Variants in SIPA1L3 observed in about 807,000 individuals in gnomAD.
SIPA1L3 encodes the protein signal induced proliferation associated 1 like 3.
SIPA1L3 carries 59 observed loss-of-function variants against 150.1 expected under a neutral mutation model. The ratio of observed to expected loss-of-function variants is 0.39; its 90% CI spans 0.32 to 0.49. The LOEUF (loss-of-function observed/expected upper bound fraction) is 0.49. SIPA1L3 is among the 20% of genes least tolerant of loss of function. The probability of loss-of-function intolerance (pLI) is 0.86; values close to 1 mark genes in which losing one functional copy is unlikely to be tolerated. For missense variants in SIPA1L3, 2,211 were observed against 2,489.5 expected, an observed-to-expected ratio of 0.89 and a Z score of 2.38; for synonymous variants, 1,070 against 1,077.6, an observed-to-expected ratio of 0.99 and a Z score of 0.14.
At chr19:38,178,539 G>A (rs574124490) in intron 15 of SIPA1L3, among the ~76,000 whole-genome samples, 25 of 152,158 alleles carry the variant, frequency 1.6e-4, no homozygotes, top group African/African-American at 4.1e-4. Flanking sequence ...GCAATGGTGC[G>A]ATCTCGGCTC....
chr19:38,011,284 G>A (rs970502058), intron 1 of SIPA1L3, among the ~76,000 whole-genome samples: 2 of 152,056 alleles, frequency 1.3e-5, no homozygotes, highest in Non-Finnish European at 2.9e-5. Context: ...AGACTAGCCT[G>A]GGCAACATGG....
chr19:38,052,480 A>C (rs1464571941), intron 2 of SIPA1L3, among the ~76,000 whole-genome samples: 1 of 152,172 alleles, frequency 6.6e-6, no homozygotes, highest in Non-Finnish European at 1.5e-5. Flanking sequence ...CTGGCTTCTC[A>C]CCACCTCTAC....
intron 1 of SIPA1L3, among the ~76,000 whole-genome samples, chr19:37,965,605 C>T (rs1036391562): frequency 1.3e-5 from 2 of 152,076 alleles, no homozygotes; most frequent in Admixed American, 1.3e-4. Flanking sequence ...TGAGCCACTG[C>T]TCTGGGCCTG....
chr19:38,140,708 A>G lies in SIPA1L3; in HGVS notation c.3144-476A>G, dbSNP rs911808077. Among the ~76,000 whole-genome samples, 18 of 151,702 alleles carry G rather than the reference A, an allele frequency of 1.2e-4. 1 individual carries two copies. The highest frequency in any genetic ancestry group is 4.4e-4 in the African/African-American group (18 of 41,334). Reference sequence around the variant, plus strand: ...GTGTTGGGTCCCGTCCTGGTTGAAGACTCTGAGCTGGTAAGTTTCAGACCA... The same window carrying G: ...GTGTTGGGTCCCGTCCTGGTTGAAGGCTCTGAGCTGGTAAGTTTCAGACCA... On this transcript the variant is annotated intron_variant, in intron 10 of 21. Transcript: ENST00000222345.
chr19:38,019,643 T>A (rs1968322428), intron 1 of SIPA1L3, among the ~76,000 whole-genome samples: 1 of 152,196 alleles, frequency 6.6e-6, no homozygotes, highest in African/African-American at 2.4e-5. Flanking sequence ...CATAGCCAGC[T>A]TCTGCCCATT....
chr19:38,122,129 A>G (rs973880338), intron 9 of SIPA1L3, among the ~76,000 whole-genome samples: 2 of 151,806 alleles, frequency 1.3e-5, no homozygotes, highest in African/African-American at 4.8e-5. Flanking sequence ...GCCGAGGGAA[A>G]AGAATTGCTT....
chr19:37,921,823 G>A (rs1236527773), intron 1 of SIPA1L3, among the ~76,000 whole-genome samples: 1 of 151,918 alleles, frequency 6.6e-6, no homozygotes, highest in African/African-American at 2.4e-5. Flanking sequence ...GGCTGGTCTC[G>A]AACTCCTGGC....
intron 18 of SIPA1L3, among the ~76,000 whole-genome samples, chr19:38,196,146 A>G (rs1972925656): frequency 1.3e-5 from 2 of 152,246 alleles, no homozygotes; most frequent in Middle Eastern, 3.4e-3. Context: ...ATGAAGAGAC[A>G]TGGTCATCCC....
intron 2 of SIPA1L3, among the ~76,000 whole-genome samples, chr19:38,050,992 G>A (rs1404437320): frequency 6.6e-6 from 1 of 152,044 alleles, no homozygotes; most frequent in African/African-American, 2.4e-5. Context: ...CTGGGAGGCG[G>A]AGGTTGCAGT....
chr19:38,141,263 C>T lies in SIPA1L3; in HGVS notation c.3223C>T (p.Pro1075Ser). 1 of 1,613,850 alleles carries T rather than the reference C, an allele frequency of 6.2e-7. No individual in the cohort carries two copies. The highest frequency in any genetic ancestry group is 1.3e-5 in the African/African-American group (1 of 74,964). ...AAGCATCACTCCTGGGGGCCGGCCC[C>T]CCTACCGCAGCAATGCTCCCTGGCA... ...QESITPGGRP[P>S]YRSNAPWQWS... The change falls in exon 11 of 22, where the codon CCC becomes TCC. Residue 1075 changes from proline (P) to serine (S), a missense_variant. Physicochemically the swap from Pro to Ser is moderately conservative, Grantham distance 74 (BLOSUM62 -1). Transcript: ENST00000222345.
intron 1 of SIPA1L3, among the ~76,000 whole-genome samples, chr19:37,969,084 C>G (rs2046930193): frequency 6.6e-6 from 1 of 152,118 alleles, no homozygotes; most frequent in Non-Finnish European, 1.5e-5. Flanking sequence ...TTTCAAAAAT[C>G]CTGACCAGGA....
rs905406926 is a variant in SIPA1L3 at position 38,141,583 on chromosome 19, C to T, written c.3395+148C>T. The T allele has an allele frequency of 6.9e-6, 6 of 865,844 alleles. No homozygotes were observed. In the African/African-American group the frequency reaches 8.5e-5, roughly 12 times the overall value. 53.6% of individuals were successfully genotyped at this position (865,844 alleles called of 1,614,324 possible). A position where few individuals can be genotyped will look rare whatever the true frequency, so the allele number is the denominator to read the frequency against. ...TCTTATCCTTATGTCTCCCTTGTTCCTCCCTCCCTCCTTCGTTTCAGCTTT... is the reference window on the plus strand; with the variant it reads ...TCTTATCCTTATGTCTCCCTTGTTCTTCCCTCCCTCCTTCGTTTCAGCTTT... On this transcript the variant is annotated intron_variant, in intron 11 of 21. Transcript: ENST00000222345.
intron 1 of SIPA1L3, among the ~76,000 whole-genome samples, chr19:37,965,834 C>G (rs1208193209): frequency 6.6e-6 from 1 of 151,958 alleles, no homozygotes; most frequent in Non-Finnish European, 1.5e-5. Flanking sequence ...CTGAAACACG[C>G]CCCTGTCTCT....
intron 15 of SIPA1L3, among the ~76,000 whole-genome samples, chr19:38,178,532 A>G (rs910087895): frequency 3.9e-5 from 6 of 152,006 alleles, no homozygotes; most frequent in East Asian, 1.9e-4. Flanking sequence ...CTGGAGTGCA[A>G]TGGTGCGATC....
chr19:37,919,091 A>G (rs1325458432), intron 1 of SIPA1L3, among the ~76,000 whole-genome samples: 2 of 151,996 alleles, frequency 1.3e-5, no homozygotes, highest in African/African-American at 4.8e-5. Context: ...GGTGTGGGGA[A>G]GGGACATCAC....
chr19:38,101,536 A>G (rs1568550483), intron 6 of SIPA1L3, among the ~76,000 whole-genome samples: 1 of 152,028 alleles, frequency 6.6e-6, no homozygotes, highest in Non-Finnish European at 1.5e-5. Flanking sequence ...TCAGCCTCCC[A>G]ACTAGCTGTG....
intron 1 of SIPA1L3, among the ~76,000 whole-genome samples, chr19:37,974,366 A>G (rs1176749919): frequency 1.3e-5 from 2 of 152,092 alleles, no homozygotes; most frequent in Admixed American, 6.5e-5. Context: ...CAAAAAAATT[A>G]GCCAGGTACA....
At chr19:37,987,169 C>A (rs978215038) in intron 1 of SIPA1L3, among the ~76,000 whole-genome samples, 1 of 152,080 alleles carries the variant, frequency 6.6e-6, no homozygotes, top group African/African-American at 2.4e-5. Context: ...CTCAGGTGAT[C>A]CACCCGCCTC....
In SIPA1L3 at chr19:38,057,736, T is replaced by C. The variant is rs554016604; in HGVS notation, c.-310-23520T>C. Among the ~76,000 whole-genome samples, 3 of 152,006 alleles carry C rather than the reference T, an allele frequency of 2.0e-5. No homozygotes were observed. In the South Asian group the frequency reaches 6.3e-4, roughly 32 times the overall value. ...ATCTTGGCTCACTGCAAGCTCCGCC[T>C]CCCAGGTTCATGCCACTCTCCTGCC... On this transcript the variant is annotated intron_variant, in intron 2 of 21. Coordinates refer to ENST00000222345, the MANE Select transcript of SIPA1L3 (RefSeq NM_015073.3).
Sources: allele counts gnomAD v4.1 joint callset (sites outside exome capture counted in the v4.1 genomes callset), GRCh38; gene constraint gnomAD v4.1.1; transcripts MANE v1.5; gene names NCBI Gene and HGNC (gene_info 2026-07-23, HGNC 2026-07-21).